DLG2: variants seen among roughly 807,000 people sequenced by gnomAD.
DLG2 encodes the protein discs large MAGUK scaffold protein 2.
Under a neutral mutation model 132.5 loss-of-function variants are expected in DLG2, and 45 were observed. The ratio of observed to expected loss-of-function variants is 0.34; its 90% CI spans 0.27 to 0.44. DLG2 has a LOEUF of 0.44. Among genes scored for constraint, DLG2 ranks in the 20% least tolerant of loss-of-function variants. The probability of loss-of-function intolerance (pLI) is 1.00; values close to 1 mark genes in which losing one functional copy is unlikely to be tolerated. For synonymous variants in DLG2, 424 were observed against 419.6 expected (o/e 1.01, Z -0.13); for missense variants, 1,045 against 1,196.9 (o/e 0.87, Z 1.87).
intron 15 of DLG2, among the ~76,000 whole-genome samples, chr11:83,906,120 C>T (rs1017655484): frequency 3.5e-5 from 5 of 144,122 alleles, no homozygotes; most frequent in Non-Finnish European, 7.5e-5. Flanking sequence ...TATAGTTTTG[C>T]ACTATAAAAG....
chr11:83,574,738 T>C (rs2096848848), intron 19 of DLG2, among the ~76,000 whole-genome samples: 1 of 152,232 alleles, frequency 6.6e-6, no homozygotes, highest in South Asian at 2.1e-4. Flanking sequence ...TTTCCAAGAA[T>C]GTACTTTTTA....
intron 6 of DLG2, among the ~76,000 whole-genome samples, chr11:84,737,401 AG>A (rs1243577471): frequency 6.6e-6 from 1 of 151,914 alleles, no homozygotes; most frequent in East Asian, 1.9e-4. Flanking sequence ...TCGATATTTT[AG>A]GAATGATTTG....
intron 6 of DLG2, among the ~76,000 whole-genome samples, chr11:84,912,112 T>C (rs1034995877): frequency 1.3e-5 from 2 of 152,196 alleles, no homozygotes; most frequent in African/African-American, 4.8e-5. Flanking sequence ...TAACCTTCAC[T>C]GCTTCAGTTA....
At chr11:85,514,575 C>T (rs1271360319) in intron 3 of DLG2, among the ~76,000 whole-genome samples, 1 of 151,928 alleles carries the variant, frequency 6.6e-6, no homozygotes, top group Admixed American at 6.6e-5. Context: ...TATCATTCCT[C>T]TAACAGATTC....
chr11:84,984,207 T>G (rs766786161), intron 6 of DLG2, among the ~76,000 whole-genome samples: 1 of 152,186 alleles, frequency 6.6e-6, no homozygotes, highest in Non-Finnish European at 1.5e-5. Context: ...CACATTGCCA[T>G]CAGGTTATCT....
rs67241693 is a variant in DLG2, at chr11:85,093,309, G to GT, written c.357+18351dup. 8.2e-3 allele frequency among the ~76,000 whole-genome samples: 1,234 copies of GT among 150,470 alleles called. 13 individuals are homozygous for GT. The highest frequency in any genetic ancestry group is 0.024 in the African/African-American group (973 of 41,134). On this transcript the variant is annotated intron_variant, in intron 6 of 27. Transcript: ENST00000376104. ...TCAATCATTTGGCAAGGGAGTTTTT[G>GT]TTTTTTTTTTGTATTTTTTGTGTGC...
At chr11:84,158,041 T>C (rs2095467636) in intron 9 of DLG2, among the ~76,000 whole-genome samples, 1 of 151,938 alleles carries the variant, frequency 6.6e-6, no homozygotes, top group Admixed American at 6.6e-5. Context: ...TCTAGTGTGA[T>C]AAATTCTCTA....
In DLG2 at chr11:83,886,062, A is replaced by C. The variant is rs180722767; in HGVS notation, c.1497-11574T>G. ...CAACTAACGACCAAAATAACCAGCT[A>C]ACATCATAATGACAGGATCAAATTC... is the stretch of plus-strand genomic sequence containing the variant. On this transcript the variant is annotated intron_variant, in intron 15 of 27. Coordinates refer to ENST00000376104, the MANE Select transcript of DLG2 (RefSeq NM_001142699.3). Among the ~76,000 whole-genome samples, 956 of 152,344 alleles carry C rather than the reference A, an allele frequency of 6.3e-3. 8 individuals carry two copies. Among genetic ancestry groups the C allele is most frequent in the African/African-American group, 0.021 (867 of 41,578 alleles).
intron 6 of DLG2, among the ~76,000 whole-genome samples, chr11:84,580,768 C>T (rs1158317920): frequency 4.6e-5 from 7 of 152,202 alleles, no homozygotes; most frequent in African/African-American, 1.2e-4. Context: ...CCTTACCCTA[C>T]GCAAGATAAA....
At chr11:85,435,094 G>T (rs1279830823) in intron 3 of DLG2, among the ~76,000 whole-genome samples, 1 of 152,096 alleles carries the variant, frequency 6.6e-6, no homozygotes, top group Non-Finnish European at 1.5e-5. Flanking sequence ...ATGCAGGAAA[G>T]GTCTTTAATA....
chr11:85,507,632 C>A (rs922645478), intron 3 of DLG2, among the ~76,000 whole-genome samples: 1 of 152,068 alleles, frequency 6.6e-6, no homozygotes, highest in Non-Finnish European at 1.5e-5. Context: ...CTCTGGCTGC[C>A]CTTAACATTT....
At chr11:84,928,980 GTGTATATATATATATATA>G (rs2047744352) in intron 6 of DLG2, among the ~76,000 whole-genome samples, 3 of 40,258 alleles carry the variant, frequency 7.5e-5, no homozygotes, top group African/African-American at 2.4e-4. Flanking sequence ...GTGTGTGTGT[GTGTATATATATATATATA>G]TATATATATA....
chr11:85,394,428 G>A (rs1335843608), intron 3 of DLG2, among the ~76,000 whole-genome samples: 11 of 151,792 alleles, frequency 7.2e-5, no homozygotes, highest in Non-Finnish European at 1.5e-5. Context: ...AGCTTTGGAA[G>A]CTAAAGCATC....
At chr11:84,156,079 G>A (rs1320153986) in intron 9 of DLG2, among the ~76,000 whole-genome samples, 3 of 152,138 alleles carry the variant, frequency 2.0e-5, no homozygotes, top group South Asian at 2.1e-4. Flanking sequence ...TACTAGGAAC[G>A]ATAGAAGAAT....
intron 4 of DLG2, among the ~76,000 whole-genome samples, chr11:85,205,177 T>C (rs1055651232): frequency 7.4e-5 from 11 of 148,424 alleles, no homozygotes; most frequent in Non-Finnish European, 1.2e-4. Flanking sequence ...TATATATATA[T>C]ATAACAATGG....
intron 11 of DLG2, among the ~76,000 whole-genome samples, chr11:84,048,282 A>C (rs1185313560): frequency 1.3e-5 from 2 of 151,592 alleles, no homozygotes; most frequent in Non-Finnish European, 3.0e-5. Flanking sequence ...TTCTTATTCC[A>C]TATATTTTAT....
At chr11:85,338,474 T>A (rs2082274270) in intron 3 of DLG2, among the ~76,000 whole-genome samples, 2 of 152,246 alleles carry the variant, frequency 1.3e-5, no homozygotes, top group African/African-American at 4.8e-5. Flanking sequence ...TACAATTAGG[T>A]TCATTTCTTA....
At chr11:83,540,474 C>T (rs550301884) in intron 20 of DLG2, among the ~76,000 whole-genome samples, 25 of 152,254 alleles carry the variant, frequency 1.6e-4, no homozygotes, top group East Asian at 5.8e-4. Flanking sequence ...CCTGGAATTT[C>T]GGCACCTTCA....
At chr11:84,940,276 G>T (rs556707842) in intron 6 of DLG2, among the ~76,000 whole-genome samples, 1 of 152,214 alleles carries the variant, frequency 6.6e-6, no homozygotes, top group Admixed American at 6.5e-5. Context: ...TCAGCCTCCT[G>T]AGTAGCTGGG....
Sources: gnomAD v4.1 joint callset for allele counts (sites outside exome capture counted in the v4.1 genomes callset) on GRCh38, gnomAD v4.1.1 for gene constraint, MANE v1.5 for transcripts, NCBI Gene and HGNC (gene_info 2026-07-23, HGNC 2026-07-21) for gene names.